JCAD: variants seen among roughly 807,000 people sequenced by gnomAD.
JCAD encodes junctional cadherin 5 associated.
Under a neutral mutation model 98.0 loss-of-function variants are expected in JCAD, and 40 were observed. The ratio of observed to expected loss-of-function variants is 0.41; its 90% CI spans 0.32 to 0.53. JCAD has a LOEUF of 0.53. Ranked by LOEUF, JCAD falls within the 20% of genes least tolerant of loss-of-function variation. The probability of loss-of-function intolerance (pLI) is 0.31; values close to 1 mark genes in which losing one functional copy is unlikely to be tolerated. For missense variants in JCAD, 1,705 were observed against 1,738.1 expected (o/e 0.98, Z 0.34); for synonymous variants, 691 against 682.3 (o/e 1.01, Z -0.20).
intron 1 of JCAD, among the ~76,000 whole-genome samples, chr10:30,113,632 T>C (rs1838744592): frequency 6.9e-6 from 1 of 143,940 alleles, no homozygotes; most frequent in African/African-American, 2.6e-5. Flanking sequence ...CAGAGCAGCA[T>C]TCATCAGAAC....
chr10:30,100,411 T>C (rs932527015), intron 1 of JCAD, among the ~76,000 whole-genome samples: 3 of 152,202 alleles, frequency 2.0e-5, no homozygotes, highest in African/African-American at 7.2e-5. Flanking sequence ...GAGACAGATC[T>C]CACTCTGTCG....
Position 30,029,451 on chromosome 10 carries a change from G to A in JCAD, c.697C>T (p.Pro233Ser). 1.9e-6 allele frequency: 3 copies of A among 1,614,158 alleles called. No individual in the cohort carries two copies. Among genetic ancestry groups the A allele is most frequent in the Non-Finnish European group, 1.7e-6 (2 of 1,180,024 alleles). ...SQNKGKSRSL[P>S]RVLSPESLSC... ...AGGCTCTCGGGGGAAAGAACTCTAG[G>A]CAGTGAGCGAGACTTCCCTTTGTTT... is the stretch of plus-strand genomic sequence containing the variant. The change falls in exon 3 of 4, where the codon CCT (proline) becomes TCT (serine). Residue 233 changes from proline to serine, a missense_variant. This residue lies in a region of JCAD where 275 missense variants were observed against 346.9 expected (regional missense o/e 0.79). Transcript: ENST00000375377.
rs947746152 is a variant in JCAD at position 30,017,332 on chromosome 10, G to A, written c.*551C>T. The A allele has an allele frequency of 1.3e-5, 2 of 154,372 alleles. No individual in the cohort carries two copies. Among genetic ancestry groups the A allele is most frequent in the African/African-American group, 4.8e-5 (2 of 41,480 alleles). The allele number at this position is 154,372 out of a possible 1,614,324, so 9.6% of individuals were successfully genotyped here. A position where few individuals can be genotyped will look rare whatever the true frequency, so the allele number is the denominator to read the frequency against. On this transcript the variant is annotated 3_prime_UTR_variant, in exon 4 of 4. Transcript: ENST00000375377. Reference sequence around the variant, plus strand: ...TTCTCTGATGGCAAGTTACTTATAAGTAAAGTTACTTCCAGCAGCAGAAGG... The same window carrying A: ...TTCTCTGATGGCAAGTTACTTATAAATAAAGTTACTTCCAGCAGCAGAAGG...
At chr10:30,093,176 A>T (rs1346001165) in intron 1 of JCAD, among the ~76,000 whole-genome samples, 1 of 152,180 alleles carries the variant, frequency 6.6e-6, no homozygotes, top group Non-Finnish European at 1.5e-5. Flanking sequence ...TTGAGATGGG[A>T]AAGAGCTGTG....
intron 1 of JCAD, among the ~76,000 whole-genome samples, chr10:30,084,411 C>A (rs1262393526): frequency 6.6e-6 from 1 of 152,162 alleles, no homozygotes; most frequent in East Asian, 1.9e-4. Flanking sequence ...CTGTGCGTTT[C>A]TGTGAGGCTG....
chr10:30,070,157 G>A (rs1037725751), intron 1 of JCAD, among the ~76,000 whole-genome samples: 9 of 152,138 alleles, frequency 5.9e-5, no homozygotes, highest in East Asian at 1.9e-4. Flanking sequence ...ATATAAGTCC[G>A]AGAAAAGAAA....
At position 30,028,327 on chromosome 10, in the gene JCAD, A is replaced by T. The variant is rs750514496; in HGVS notation, c.1821T>A (p.Ala607=). ...DMDNNDLKPS[A]DQKNGSDKSP... Reference sequence around the variant, plus strand: ...TCTTATCAGACCCATTCTTTTGATCAGCACTGGGCTTTAAGTCATTGTTGT... The same window carrying T: ...TCTTATCAGACCCATTCTTTTGATCTGCACTGGGCTTTAAGTCATTGTTGT... Residue 607 remains alanine, a synonymous_variant, in exon 3 of 4, where the codon GCT becomes GCA. Coordinates refer to ENST00000375377, the MANE Select transcript of JCAD (RefSeq NM_020848.4). The T allele has an allele frequency of 3.7e-6, 6 of 1,614,230 alleles. No individual in the cohort carries two copies. Among genetic ancestry groups the T allele is most frequent in the Non-Finnish European group, 5.1e-6 (6 of 1,180,040 alleles).
chr10:30,028,378 T>G lies in JCAD; in HGVS notation c.1770A>C (p.Glu590Asp). The part of the protein sequence containing the change: ...FCLVSIPVKS[E>D]SHLPDRDMDN... Reference sequence around the variant, plus strand: ...CCATATCTCTATCTGGCAGATGTGATTCTGATTTCACTGGGATAGAAACCA... The same window carrying G: ...CCATATCTCTATCTGGCAGATGTGAGTCTGATTTCACTGGGATAGAAACCA... Residue 590 changes from glutamate (E) to aspartate (D), a missense_variant, in exon 3 of 4, where the codon GAA (glutamate) becomes GAC (aspartate). Glu to Asp is a conservative substitution (Grantham distance 45). Coordinates refer to ENST00000375377, the MANE Select transcript of JCAD (RefSeq NM_020848.4). 2 of 1,614,246 alleles carry G rather than the reference T, an allele frequency of 1.2e-6. No homozygotes were observed. Among genetic ancestry groups the G allele is most frequent in the Non-Finnish European group, 1.7e-6 (2 of 1,180,048 alleles).
chr10:30,030,261 T>C (rs1293271514), intron 2 of JCAD, among the ~76,000 whole-genome samples: 5 of 152,256 alleles, frequency 3.3e-5, no homozygotes, highest in African/African-American at 9.6e-5. Flanking sequence ...CTGTGCAACA[T>C]AGTAAGACTC....
intron 1 of JCAD, among the ~76,000 whole-genome samples, chr10:30,095,425 G>A (rs544713305): frequency 1.3e-5 from 2 of 152,220 alleles, no homozygotes; most frequent in African/African-American, 4.8e-5. Context: ...TCAACAATGG[G>A]CACCAGTGTC....
chr10:30,079,480 T>C (rs1838041528), intron 1 of JCAD, among the ~76,000 whole-genome samples: 1 of 152,310 alleles, frequency 6.6e-6, no homozygotes, highest in South Asian at 2.1e-4. Context: ...TTTTGAGTTT[T>C]AAGGAGAAAA....
At chr10:30,057,628 G>C (rs1021352454) in intron 1 of JCAD, among the ~76,000 whole-genome samples, 5 of 152,102 alleles carry the variant, frequency 3.3e-5, no homozygotes, top group Admixed American at 1.3e-4. Flanking sequence ...GCCTGCCAAG[G>C]GCCTGACCTT....
At chr10:30,049,357 T>C (rs1347212549) in intron 1 of JCAD, among the ~76,000 whole-genome samples, 1 of 152,092 alleles carries the variant, frequency 6.6e-6, no homozygotes, top group East Asian at 1.9e-4. Context: ...CGTGTGCAGG[T>C]GAAAGGAAGA....
At chr10:30,025,304 G>A (rs1836765688) in intron 3 of JCAD, among the ~76,000 whole-genome samples, 4 of 151,744 alleles carry the variant, frequency 2.6e-5, no homozygotes, top group Non-Finnish European at 5.9e-5. Context: ...GATCACCTGA[G>A]GTCAGGAGTT....
At chr10:30,060,077 TATAC>T (rs759335326), upstream of JCAD, among the ~76,000 whole-genome samples, 2 of 151,288 alleles carry the variant, frequency 1.3e-5, no homozygotes, top group African/African-American at 2.4e-5. Flanking sequence ...CACTGACACA[TATAC>T]ATACATACAT....
At chr10:30,106,014 C>T (rs1331638191) in intron 1 of JCAD, among the ~76,000 whole-genome samples, 2 of 152,190 alleles carry the variant, frequency 1.3e-5, no homozygotes, top group Admixed American at 6.5e-5. Context: ...CACAGCACTC[C>T]CTTCAGGATA....
chr10:30,030,652 T>A (rs1190005047), intron 2 of JCAD, among the ~76,000 whole-genome samples: 2 of 152,102 alleles, frequency 1.3e-5, no homozygotes, highest in African/African-American at 4.8e-5. Context: ...AGTCCTGGAA[T>A]TGCTAAGAGA....
Position 30,029,023 on chromosome 10 carries a change from A to G in JCAD, c.1125T>C (p.Ser375=). ...CGCTGGCCCCAGCCTTCTCGGTCGG[A>G]GACTGCTGTTGACTGTGACCGCCAC... The part of the protein sequence containing the change: ...NVCGGHSQQQ[S]PTEKAGASGQ... Residue 375 remains serine, a synonymous_variant, in exon 3 of 4, where the codon TCT becomes TCC. Transcript: ENST00000375377. 6.2e-7 allele frequency: 1 copy of G among 1,613,998 alleles called. No homozygotes were observed. The highest frequency in any genetic ancestry group is 8.5e-7 in the Non-Finnish European group (1 of 1,180,010).
intron 1 of JCAD, among the ~76,000 whole-genome samples, chr10:30,100,171 C>T (rs111691380): frequency 1.2e-4 from 19 of 152,186 alleles, no homozygotes; most frequent in African/African-American, 4.6e-4. Flanking sequence ...AAGTAGCTTG[C>T]CTTGCTGAGA....
Sources: gnomAD v4.1 joint callset for allele counts (sites outside exome capture counted in the v4.1 genomes callset) on GRCh38, gnomAD v4.1.1 for gene constraint, gnomAD v4.1.1 regional missense constraint, MANE v1.5 for transcripts, NCBI Gene and HGNC (gene_info 2026-07-23, HGNC 2026-07-21) for gene names.